MYO18B: variants seen among roughly 807,000 people sequenced by gnomAD.
MYO18B encodes unconventional myosin-XVIIIb.
A neutral mutation model predicts 273.0 loss-of-function variants in MYO18B; 204 were observed. That is an observed-to-expected ratio of 0.75 (90% CI 0.67 to 0.84). The LOEUF is 0.84. MYO18B is among the 40% of genes least tolerant of loss of function. The pLI is 0.00. For missense variants in MYO18B, 3,212 were observed against 3,287.6 expected (o/e 0.98, Z 0.56); for synonymous variants, 1,330 against 1,305.7 (o/e 1.02, Z -0.40).
At chr22:25,918,798 AGCCCACT>A (rs1042290029) in intron 33 of MYO18B, among the ~76,000 whole-genome samples, 2 of 152,248 alleles carry the variant, frequency 1.3e-5, no homozygotes, top group Non-Finnish European at 2.9e-5. Context: ...AAATGTGCAA[AGCCCACT>A]GCCTAAGCAT....
chr22:26,061,665 A>G, the MYO18B span, among the ~76,000 whole-genome samples: 6 of 151,278 alleles, frequency 4.0e-5, no homozygotes, highest in African/African-American at 1.5e-4. Flanking sequence ...AAGGTCATCT[A>G]CCACCGAGAA....
intron 11 of MYO18B, among the ~76,000 whole-genome samples, chr22:25,793,847 A>G (rs2087783970): frequency 6.6e-6 from 1 of 152,222 alleles, no homozygotes; most frequent in Admixed American, 6.5e-5. Context: ...TGATTTTTAA[A>G]AATTGAGGTA....
At chr22:25,832,334 A>G (rs1373610240) in intron 15 of MYO18B, among the ~76,000 whole-genome samples, 1 of 152,206 alleles carries the variant, frequency 6.6e-6, no homozygotes. Flanking sequence ...CAATAGCTGA[A>G]AGGCAGAAGC....
intron 40 of MYO18B, among the ~76,000 whole-genome samples, chr22:25,997,016 CAGTGTGAAGTGAA>C (rs1488192296): frequency 1.3e-5 from 2 of 152,038 alleles, no homozygotes; most frequent in Non-Finnish European, 2.9e-5. Flanking sequence ...TTGTAGGGTT[CAGTGTGAAGTGAA>C]AGTGTGAGGC....
At chr22:25,748,305 C>T (rs1015539971) in intron 1 of MYO18B, among the ~76,000 whole-genome samples, 1 of 152,186 alleles carries the variant, frequency 6.6e-6, no homozygotes, top group African/African-American at 2.4e-5. Context: ...ACATGAGGAC[C>T]TTAGTTCTGC....
intron 21 of MYO18B, among the ~76,000 whole-genome samples, chr22:25,855,280 T>G (rs1293779433): frequency 8.9e-6 from 1 of 112,102 alleles, no homozygotes; most frequent in East Asian, 3.0e-4. Context: ...GGACGTTATC[T>G]CATTCTTTTT....
chr22:26,031,940 C>T (rs910619696), downstream of MYO18B, among the ~76,000 whole-genome samples: 6 of 152,144 alleles, frequency 3.9e-5, no homozygotes, highest in South Asian at 2.1e-4. Flanking sequence ...CTGGGACACA[C>T]GGGGAAAGGG....
intron 21 of MYO18B, among the ~76,000 whole-genome samples, chr22:25,853,310 A>G (rs5752235): frequency 0.35 from 53,836 of 152,082 alleles, 10,247 homozygotes; most frequent in East Asian, 0.68. Context: ...GTAAAGTCAC[A>G]ATTCTTAGGT....
intron 14 of MYO18B, among the ~76,000 whole-genome samples, chr22:25,826,785 C>T (rs972109002): frequency 2.6e-5 from 4 of 152,160 alleles, no homozygotes; most frequent in African/African-American, 7.2e-5. Flanking sequence ...CCTGGCCAAG[C>T]GTGGTGGCTC....
At chr22:25,790,812 C>T (rs935664735) in intron 11 of MYO18B, among the ~76,000 whole-genome samples, 7 of 152,128 alleles carry the variant, frequency 4.6e-5, no homozygotes, top group African/African-American at 1.4e-4. Flanking sequence ...CTCCTTGGGT[C>T]CTGGGAGCTG....
intron 10 of MYO18B, among the ~76,000 whole-genome samples, chr22:25,783,373 C>T (rs78253204): frequency 0.025 from 3,785 of 152,326 alleles, 70 homozygotes; most frequent in Non-Finnish European, 0.039. Flanking sequence ...GGGCCATGTG[C>T]GGTGCATAGT....
At chr22:25,907,313 C>T (rs777403815) in intron 31 of MYO18B, among the ~76,000 whole-genome samples, 8 of 152,234 alleles carry the variant, frequency 5.3e-5, no homozygotes, top group Admixed American at 2.0e-4. Context: ...ACAGTTCCAA[C>T]ATTATGCACG....
chr22:25,777,612 T>C lies in MYO18B; in HGVS notation c.1899T>C (p.Pro633=), dbSNP rs2086966121. ...CCAAGGGCCGCCGGGATGGCCTGCC[T>C]GCCCACATTGGCTCCATGGCACAGC... ...KVPKGRRDGL[P]AHIGSMAQRA... The change falls in exon 8 of 44, where the codon CCT becomes CCC. Residue 633 remains proline (P), a synonymous_variant. Coordinates refer to ENST00000335473, the MANE Select transcript of MYO18B (RefSeq NM_032608.7). 6.2e-7 allele frequency: 1 copy of C among 1,603,026 alleles called. No homozygotes were observed. Among genetic ancestry groups the C allele is most frequent in the Non-Finnish European group, 8.5e-7 (1 of 1,175,152 alleles).
At chr22:25,812,356 T>A (rs1202929216) in intron 12 of MYO18B, among the ~76,000 whole-genome samples, 3 of 152,146 alleles carry the variant, frequency 2.0e-5, no homozygotes, top group Non-Finnish European at 2.9e-5. Context: ...GCTTCTCCCT[T>A]CCTTCTCCAC....
intron 1 of MYO18B, among the ~76,000 whole-genome samples, chr22:25,755,703 G>A (rs746666211): frequency 5.3e-5 from 8 of 152,086 alleles, no homozygotes; most frequent in Non-Finnish European, 1.2e-4. Context: ...ATTTGTTCAC[G>A]GGACAGCTGC....
At chr22:25,827,153 A>G (rs1255046603) in intron 14 of MYO18B, among the ~76,000 whole-genome samples, 1 of 152,212 alleles carries the variant, frequency 6.6e-6, no homozygotes, top group Non-Finnish European at 1.5e-5. Context: ...ACTGAGGGCC[A>G]GGGATTGCAC....
At chr22:26,040,388 G>A in the MYO18B span, among the ~76,000 whole-genome samples, 7 of 152,164 alleles carry the variant, frequency 4.6e-5, no homozygotes, top group Admixed American at 1.3e-4. Flanking sequence ...TAGGTGTCAG[G>A]CTTTATCTGG....
chr22:25,823,816 A>G (rs1460734349), intron 13 of MYO18B, 138 bp downstream of exon 13: 1 of 902,386 alleles, frequency 1.1e-6, no homozygotes, highest in African/African-American at 1.7e-5. Flanking sequence ...GATGCAGGGG[A>G]AGCCATCGTG....
chr22:25,799,160 T>TGTGTGC (rs908649603), intron 12 of MYO18B, among the ~76,000 whole-genome samples: 4 of 151,512 alleles, frequency 2.6e-5, no homozygotes, highest in Non-Finnish European at 2.9e-5. Flanking sequence ...TGTGTGTGTG[T>TGTGTGC]GCTTGGATAG....
Sources: allele counts gnomAD v4.1 joint callset (sites outside exome capture counted in the v4.1 genomes callset), GRCh38; gene constraint gnomAD v4.1.1; transcripts MANE v1.5; gene names NCBI Gene and HGNC (gene_info 2026-07-23, HGNC 2026-07-21).